TYW1: variants seen among roughly 807,000 people sequenced by gnomAD.
TYW1 encodes tRNA-yW synthesizing protein 1 homolog.
Under a neutral mutation model 96.2 loss-of-function variants are expected in TYW1, and 46 were observed. That is an observed-to-expected ratio of 0.48 (90% CI 0.38 to 0.61). The LOEUF (loss-of-function observed/expected upper bound fraction) is 0.61. TYW1 is among the 20% of genes least tolerant of loss of function. The pLI, the probability that TYW1 is intolerant of heterozygous loss-of-function variation, is 0.00. For missense variants in TYW1, 684 were observed against 909.6 expected, an observed-to-expected ratio of 0.75 and a Z score of 3.19; for synonymous variants, 274 against 323.0, an observed-to-expected ratio of 0.85 and a Z score of 1.63.
chr7:67,050,138 T>C, intron 8 of TYW1, 72 bp downstream of exon 8: 6 of 1,546,340 alleles, frequency 3.9e-6, no homozygotes, highest in Non-Finnish European at 5.3e-6. Context: ...TGGAATGAAG[T>C]CTCTCTCTAA....
chr7:67,157,477 G>C (rs937120206), intron 13 of TYW1, among the ~76,000 whole-genome samples: 6 of 152,050 alleles, frequency 3.9e-5, no homozygotes, highest in Admixed American at 3.3e-4. Context: ...GTAGAGATGG[G>C]GTTCCACTAT....
intron 12 of TYW1, among the ~76,000 whole-genome samples, 170 bp downstream of exon 12, chr7:67,098,888 G>A (rs545663768): frequency 1.3e-4 from 20 of 152,180 alleles, no homozygotes; most frequent in African/African-American, 4.6e-4. Context: ...GTTCTATTAG[G>A]CACAACAACA....
chr7:67,112,058 C>T (rs529730516), intron 12 of TYW1, among the ~76,000 whole-genome samples: 30 of 135,862 alleles, frequency 2.2e-4, no homozygotes, highest in Non-Finnish European at 3.5e-4. Context: ...AAGATTGTGC[C>T]ATTGCACTCC....
chr7:67,058,013 C>T (rs1282909947), intron 9 of TYW1, among the ~76,000 whole-genome samples: 1 of 152,164 alleles, frequency 6.6e-6, no homozygotes, highest in Non-Finnish European at 1.5e-5. Flanking sequence ...CGGCTCACTG[C>T]AAGCTCTGCC....
At chr7:67,052,751 A>G (rs1420734392) in intron 8 of TYW1, among the ~76,000 whole-genome samples, 1 of 151,952 alleles carries the variant, frequency 6.6e-6, no homozygotes, top group Non-Finnish European at 1.5e-5. Context: ...ATTTATTTTG[A>G]GACGGAGTCT....
rs544661095 is a variant in TYW1 at position 67,012,906 on chromosome 7, A to G, written c.376-1461A>G. ...ATATGCAGATTTAAAAAAAAAAACC[A>G]AAACAGAAAAAAACCTCTAAAATCC... On this transcript the variant is annotated intron_variant, in intron 4 of 15. Coordinates refer to ENST00000359626, the MANE Select transcript of TYW1 (RefSeq NM_018264.4). Among the ~76,000 whole-genome samples the G allele has an allele frequency of 1.7e-3, 251 of 151,680 alleles. 1 individual carries two copies. Among genetic ancestry groups the G allele is most frequent in the Non-Finnish European group, 2.5e-3 (169 of 67,910 alleles).
intron 15 of TYW1, among the ~76,000 whole-genome samples, chr7:67,227,776 G>A (rs1404904717): frequency 2.0e-5 from 3 of 152,116 alleles, no homozygotes; most frequent in African/African-American, 7.2e-5. Context: ...ACACATCCCT[G>A]CTGGGAGAAG....
At position 67,040,174 on chromosome 7, in the gene TYW1, T is replaced by C. The variant is rs555101303; in HGVS notation, c.985-9775T>C. ...GTTTTTACCGTGTTGGCCAGGGTAA[T>C]TTTGAACTCCTGACCTCAAGTGATC... On this transcript the variant is annotated intron_variant, in intron 7 of 15. Transcript: ENST00000359626. Among the ~76,000 whole-genome samples the C allele has an allele frequency of 9.9e-5, 15 of 151,428 alleles. 1 individual carries two copies. In the South Asian group the frequency reaches 1.9e-3, roughly 19 times the overall value.
chr7:67,130,680 C>G (rs1055622791), intron 13 of TYW1, among the ~76,000 whole-genome samples: 18 of 150,716 alleles, frequency 1.2e-4, no homozygotes, highest in African/African-American at 4.4e-4. Flanking sequence ...AAAAAAAATG[C>G]AAAATACAAA....
intron 15 of TYW1, among the ~76,000 whole-genome samples, chr7:67,223,392 C>T (rs548499722): frequency 5.3e-5 from 8 of 152,208 alleles, no homozygotes; most frequent in South Asian, 2.1e-4. Flanking sequence ...AGGATCAGCC[C>T]GAGGTATGAA....
At chr7:67,115,151 G>T (rs1584579728) in intron 12 of TYW1, among the ~76,000 whole-genome samples, 1 of 152,090 alleles carries the variant, frequency 6.6e-6, no homozygotes, top group East Asian at 1.9e-4. Flanking sequence ...GAAAAGGTCA[G>T]GGCAGTTCTC....
chr7:67,089,883 C>G (rs1796659761), intron 11 of TYW1, among the ~76,000 whole-genome samples: 1 of 152,162 alleles, frequency 6.6e-6, no homozygotes, highest in African/African-American at 2.4e-5. Context: ...AAAATGCTGC[C>G]TGCCCCCTTC....
At chr7:67,206,622 C>CATAAATAA (rs10622608) in intron 15 of TYW1, among the ~76,000 whole-genome samples, 2,933 of 143,464 alleles carry the variant, frequency 0.02, 41 homozygotes, top group Non-Finnish European at 0.026. Flanking sequence ...CTGTCTCAAA[C>CATAAATAA]ATAAATAAAT....
At chr7:67,119,593 TG>T (rs1461915933) in intron 13 of TYW1, among the ~76,000 whole-genome samples, 1 of 152,226 alleles carries the variant, frequency 6.6e-6, no homozygotes, top group Non-Finnish European at 1.5e-5. Flanking sequence ...GACCCAGTTT[TG>T]TGATTACTAT....
At chr7:67,049,139 G>C (rs1795281262) in intron 7 of TYW1, among the ~76,000 whole-genome samples, 1 of 152,220 alleles carries the variant, frequency 6.6e-6, no homozygotes, top group African/African-American at 2.4e-5. Context: ...TTGGGGTTTA[G>C]AGATGTAATA....
intron 12 of TYW1, 70 bp from the exon 13 acceptor site, chr7:67,117,413 G>T: frequency 5.2e-6 from 8 of 1,539,710 alleles, no homozygotes; most frequent in Middle Eastern, 1.8e-4. Flanking sequence ...ACAGATTGCA[G>T]GTTTTATATC....
At chr7:67,140,346 A>G (rs1314593983) in intron 13 of TYW1, among the ~76,000 whole-genome samples, 1 of 151,656 alleles carries the variant, frequency 6.6e-6, no homozygotes, top group East Asian at 1.9e-4. Context: ...CACTTACATA[A>G]TGGTGTGTTT....
At chr7:67,144,668 G>C (rs1798550565) in intron 13 of TYW1, among the ~76,000 whole-genome samples, 1 of 151,950 alleles carries the variant, frequency 6.6e-6, no homozygotes, top group Admixed American at 6.6e-5. Flanking sequence ...ACAGGGTTTC[G>C]CCGTGTTGCC....
intron 7 of TYW1, among the ~76,000 whole-genome samples, chr7:67,041,928 G>A (rs928294805): frequency 2.7e-5 from 4 of 150,276 alleles, no homozygotes; most frequent in Non-Finnish European, 4.4e-5. Context: ...TAATCCAGCC[G>A]CATTGTATTT....
Sources: allele counts gnomAD v4.1 joint callset (sites outside exome capture counted in the v4.1 genomes callset), GRCh38; gene constraint gnomAD v4.1.1; transcripts MANE v1.5; gene names NCBI Gene and HGNC (gene_info 2026-07-23, HGNC 2026-07-21).